GDF15: variants seen among roughly 807,000 people sequenced by gnomAD.
The protein encoded by GDF15 is growth differentiation factor 15, also known as growth/differentiation factor 15.
GDF15 carries 10 observed loss-of-function variants against 8.9 expected under a neutral mutation model. That is an observed-to-expected ratio of 1.12 (90% CI 0.69 to 1.90). GDF15 has a LOEUF of 1.90. GDF15 is among the 40% of genes most tolerant of loss of function. The pLI is 0.00. For missense variants in GDF15, 452 were observed against 434.2 expected (o/e 1.04, Z -0.36); for synonymous variants, 228 against 210.6 (o/e 1.08, Z -0.72).
chr19:18,388,849 C>T lies in GDF15; in HGVS notation c.841C>T (p.Pro281Ser), dbSNP rs1173873075. ...APCCVPASYN[P>S]MVLIQKTDTG... is the part of the protein sequence containing the mutation. The stretch of plus-strand genomic sequence containing the variant: ...CTGCTGCGTGCCCGCCAGCTACAAT[C>T]CCATGGTGCTCATTCAAAAGACCGA... The change falls in exon 2 of 2, where the codon CCC (proline) becomes TCC (serine). Residue 281 changes from proline to serine, a missense_variant. Pro to Ser is a moderately conservative substitution (Grantham distance 74). Coordinates refer to ENST00000252809, the MANE Select transcript of GDF15 (RefSeq NM_004864.4). The surrounding 1 kb of genome is among the most constrained non-coding windows in gnomAD (Gnocchi z 4.2). 1.2e-6 allele frequency: 2 copies of T among 1,612,256 alleles called. No individual in the cohort carries two copies. Among genetic ancestry groups the T allele is most frequent in the Non-Finnish European group, 1.7e-6 (2 of 1,179,860 alleles).
rs990109778 is a variant in GDF15 at position 18,387,911 on chromosome 19, G to A, written c.278-375G>A. 2.0e-3 allele frequency among the ~76,000 whole-genome samples: 279 copies of A among 136,678 alleles called. 1 individual carries two copies. The highest frequency in any genetic ancestry group is 7.0e-3 in the African/African-American group (250 of 35,934). The allele number at this position is 136,678 out of a possible 152,430, so 89.7% of individuals were successfully genotyped here. ...ATCTTGGCTCACTGCAACCTCCACC[G>A]CCCCGATTCAAGCCATTCTTCTGCC... On this transcript the variant is annotated intron_variant, in intron 1 of 1. Transcript: ENST00000252809.
At chr19:18,386,637 G>C (rs1374484423) in intron 1 of GDF15, 171 bp downstream of exon 1, 1 of 625,862 alleles carries the variant, frequency 1.6e-6, no homozygotes, top group African/African-American at 1.8e-5. Flanking sequence ...GCCGATGCCT[G>C]ATTTGCACCC....
In GDF15 at chr19:18,388,383, C is replaced by T. The variant is rs765285195; in HGVS notation, c.375C>T (p.Phe125=). Reference sequence around the variant, plus strand: ...CCTCCCGCCTTCACCGGGCTCTGTTCCGGCTGTCCCCGACGGCGTCAAGGT... The same window carrying T: ...CCTCCCGCCTTCACCGGGCTCTGTTTCGGCTGTCCCCGACGGCGTCAAGGT... The part of the protein sequence containing the change: ...PEASRLHRAL[F]RLSPTASRSW... The change falls in exon 2 of 2, where the codon TTC becomes TTT. Residue 125 remains phenylalanine, a synonymous_variant. Coordinates refer to ENST00000252809, the MANE Select transcript of GDF15 (RefSeq NM_004864.4). This position sits in a 1 kb window ranked among gnomAD's most constrained non-coding sequence, Gnocchi z 4.2. 1 of 1,611,706 alleles carries T rather than the reference C, an allele frequency of 6.2e-7. No homozygotes were observed. Among genetic ancestry groups the T allele is most frequent in the Non-Finnish European group, 8.5e-7 (1 of 1,179,696 alleles).
Sources: allele counts gnomAD v4.1 joint callset (sites outside exome capture counted in the v4.1 genomes callset), GRCh38; gene constraint gnomAD v4.1.1; non-coding constraint Gnocchi (gnomAD v3.1); transcripts MANE v1.5; gene names NCBI Gene and HGNC (gene_info 2026-07-23, HGNC 2026-07-21).